TYR: variants seen among roughly 807,000 people sequenced by gnomAD.
TYR encodes the protein tyrosinase, also known as LB24-AB.
In TYR, 58 loss-of-function variants were observed where a neutral mutation model predicts 51.5. That is an observed-to-expected ratio of 1.13 (90% CI 0.91 to 1.40). The LOEUF is 1.40. TYR is among the 40% of genes most tolerant of loss of function. The pLI, the probability that TYR is intolerant of heterozygous loss-of-function variation, is 0.00. For synonymous variants in TYR, 263 were observed against 235.2 expected (o/e 1.12, Z -1.08); for missense variants, 732 against 647.4 (o/e 1.13, Z -1.42).
chr11:89,288,317 A>T (rs917060510), intron 4 of TYR, among the ~76,000 whole-genome samples: 3 of 151,990 alleles, frequency 2.0e-5, no homozygotes, highest in African/African-American at 7.2e-5. Context: ...CTACAAAGCT[A>T]GTAAGTGTCA....
chr11:89,244,751 C>T (rs1590875049), intron 3 of TYR, among the ~76,000 whole-genome samples: 1 of 152,234 alleles, frequency 6.6e-6, no homozygotes, highest in South Asian at 2.1e-4. Context: ...CACCTCTGCA[C>T]ATATGCATTC....
rs186854299 is a variant in TYR at position 89,288,596 on chromosome 11, C to T, written c.1366+3642C>T. Among the ~76,000 whole-genome samples, 189 of 152,068 alleles carry T rather than the reference C, an allele frequency of 1.2e-3. 1 individual carries two copies. Among genetic ancestry groups the T allele is most frequent in the African/African-American group, 4.0e-3 (168 of 41,508 alleles). ...GAAATGCTTTAGAGTAATTTTCACACGGCTTTGAATTTACAAAGTTAATTT... is the reference window on the plus strand; with the variant it reads ...GAAATGCTTTAGAGTAATTTTCACATGGCTTTGAATTTACAAAGTTAATTT... On this transcript the variant is annotated intron_variant, in intron 4 of 4. Transcript: ENST00000263321.
intron 4 of TYR, among the ~76,000 whole-genome samples, chr11:89,291,449 C>T (rs148424392): frequency 0.014 from 2,197 of 151,840 alleles, 46 homozygotes; most frequent in African/African-American, 0.051. Flanking sequence ...CTTTTAGTAG[C>T]ATGCTTTCTA....
intron 3 of TYR, among the ~76,000 whole-genome samples, chr11:89,236,353 G>A (rs376125671): frequency 6.6e-6 from 1 of 152,072 alleles, no homozygotes; most frequent in Non-Finnish European, 1.5e-5. Flanking sequence ...GTTTAGTAGA[G>A]AGAATGTCAT....
At chr11:89,184,180 C>T (rs770785478) in intron 1 of TYR, among the ~76,000 whole-genome samples, 17 of 151,296 alleles carry the variant, frequency 1.1e-4, no homozygotes, top group East Asian at 3.9e-4. Context: ...TAGATTTTCT[C>T]CTCGTTAGTA....
chr11:89,191,891 AAG>A, intron 2 of TYR: 2 of 310,598 alleles, frequency 6.4e-6, no homozygotes, highest in South Asian at 2.7e-5. Flanking sequence ...TTTCCATTAA[AAG>A]AGAAAAATTA....
intron 2 of TYR, among the ~76,000 whole-genome samples, chr11:89,212,421 G>T (rs1466355800): frequency 6.6e-6 from 1 of 152,056 alleles, no homozygotes; most frequent in Non-Finnish European, 1.5e-5. Context: ...CCAATAACAG[G>T]TGCTGAAATT....
intron 3 of TYR, among the ~76,000 whole-genome samples, chr11:89,275,276 G>T (rs1944639975): frequency 6.6e-6 from 1 of 151,826 alleles, no homozygotes; most frequent in Non-Finnish European, 1.5e-5. Flanking sequence ...GCTTTGAAAG[G>T]CCTGCTAATG....
chr11:89,283,533 T>C (rs979457605), intron 3 of TYR, among the ~76,000 whole-genome samples: 1 of 151,780 alleles, frequency 6.6e-6, no homozygotes, highest in African/African-American at 2.4e-5. Context: ...AACTATCATA[T>C]TGGAAACAGG....
intron 2 of TYR, among the ~76,000 whole-genome samples, chr11:89,204,184 G>A (rs1450723365): frequency 6.6e-6 from 1 of 152,172 alleles, no homozygotes; most frequent in Non-Finnish European, 1.5e-5. Context: ...CTGTCTAGTG[G>A]TAATTAGGCC....
intron 3 of TYR, among the ~76,000 whole-genome samples, chr11:89,242,367 C>G (rs1370272136): frequency 7.6e-6 from 1 of 131,982 alleles, no homozygotes; most frequent in Non-Finnish European, 1.6e-5. Flanking sequence ...ACCACCACGC[C>G]CAGCTAATTT....
intron 3 of TYR, among the ~76,000 whole-genome samples, chr11:89,250,275 C>A (rs1944315419): frequency 6.6e-6 from 1 of 151,804 alleles, no homozygotes; most frequent in Non-Finnish European, 1.5e-5. Context: ...CTCTTTAATC[C>A]TTAAAAATGA....
At chr11:89,181,057 CT>C (rs112559831) in intron 1 of TYR, among the ~76,000 whole-genome samples, 3 of 151,328 alleles carry the variant, frequency 2.0e-5, no homozygotes, top group Non-Finnish European at 4.4e-5. Flanking sequence ...GTTCAAGAGT[CT>C]TTTTTTTTGG....
intron 3 of TYR, among the ~76,000 whole-genome samples, chr11:89,234,964 C>T (rs2135286771): frequency 6.6e-6 from 1 of 150,738 alleles, no homozygotes; most frequent in Admixed American, 6.6e-5. Flanking sequence ...TGCCAGAAAC[C>T]TTCAATTTGT....
At chr11:89,179,401 G>T (rs1419355074) in intron 1 of TYR, among the ~76,000 whole-genome samples, 2 of 152,096 alleles carry the variant, frequency 1.3e-5, no homozygotes, top group Non-Finnish European at 2.9e-5. Context: ...TAATGAAGAT[G>T]GCTAATATTC....
intron 2 of TYR, among the ~76,000 whole-genome samples, chr11:89,211,566 A>G (rs1380973950): frequency 1.3e-5 from 2 of 152,230 alleles, no homozygotes; most frequent in African/African-American, 4.8e-5. Flanking sequence ...TAGCAAGGTT[A>G]TCCGGGAATT....
chr11:89,210,358 GA>G (rs1354207646), intron 2 of TYR, among the ~76,000 whole-genome samples: 1 of 100,716 alleles, frequency 9.9e-6, no homozygotes, highest in Non-Finnish European at 1.9e-5. Flanking sequence ...TCAAGAGGAA[GA>G]AAGGATTGAA....
At chr11:89,253,554 C>A (rs1325673214) in intron 3 of TYR, among the ~76,000 whole-genome samples, 1 of 151,652 alleles carries the variant, frequency 6.6e-6, no homozygotes, top group African/African-American at 2.4e-5. Context: ...AGGTATATTT[C>A]TAAGTAATTT....
intron 2 of TYR, among the ~76,000 whole-genome samples, 199 bp from the exon 3 acceptor site, chr11:89,227,624 G>A (rs1057031234): frequency 6.6e-6 from 1 of 152,010 alleles, no homozygotes; most frequent in South Asian, 2.1e-4. Flanking sequence ...CCAAATTTGG[G>A]CCATTTAATT....
Sources: allele counts gnomAD v4.1 joint callset (sites outside exome capture counted in the v4.1 genomes callset), GRCh38; gene constraint gnomAD v4.1.1; transcripts MANE v1.5; gene names NCBI Gene and HGNC (gene_info 2026-07-23, HGNC 2026-07-21).